The following RGS11 variants were observed in gnomAD, a reference collection of about 807,000 sequenced individuals.
The protein encoded by RGS11 is regulator of G protein signaling 11, also known as regulator of G-protein signaling 11.
A neutral mutation model predicts 71.1 loss-of-function variants in RGS11; 86 were observed. That is an observed-to-expected ratio of 1.21 (90% confidence interval 1.02 to 1.45). The LOEUF (loss-of-function observed/expected upper bound fraction) is 1.45, where lower values mean the gene tolerates loss of function less well. Among genes scored for constraint, RGS11 ranks in the 40% most tolerant of loss-of-function variants. RGS11 has a pLI of 0.00. For missense variants in RGS11, 734 were observed against 635.1 expected, an observed-to-expected ratio of 1.16 and a Z score of -1.67; for synonymous variants, 298 against 254.2, an observed-to-expected ratio of 1.17 and a Z score of -1.64.
Position 275,007 on chromosome 16 carries a change from A to G in RGS11, c.287T>C (p.Leu96Pro). 2 of 1,534,522 alleles carry G rather than the reference A, an allele frequency of 1.3e-6. No individual in the cohort carries two copies. The highest frequency in any genetic ancestry group is 1.8e-6 in the Non-Finnish European group (2 of 1,138,182). The change falls in exon 4 of 17, where the codon CTC (leucine) becomes CCC (proline). Residue 96 changes from leucine to proline, a missense_variant. Coordinates refer to ENST00000397770, the MANE Select transcript of RGS11 (RefSeq NM_183337.3). ...YPLRDPRSLM[L>P]RPDETPYRFQ... is the part of the protein sequence containing the mutation. ...CCTGTAGGGCGTCTCGTCTGGCCGG[A>G]GCATGAGGCTACGGGGGTCGCGCAG...
In RGS11 at chr16:268,788, C is replaced by T. The variant is rs773754897; in HGVS notation, c.*481G>A. ...GGTCCTCTTCCAGGCTCACACTGGG[C>T]GACAGCGGAGAGGCTCTTGGACGGG... On this transcript the variant is annotated 3_prime_UTR_variant, in exon 17 of 17. Coordinates refer to ENST00000397770, the MANE Select transcript of RGS11 (RefSeq NM_183337.3). 2.8e-5 allele frequency: 44 copies of T among 1,549,960 alleles called. No individual in the cohort carries two copies. Among genetic ancestry groups the T allele is most frequent in the African/African-American group, 1.8e-4 (13 of 73,038 alleles).
intron 14 of RGS11, 34 bp downstream of exon 14, chr16:270,710 G>C (rs376818835): frequency 1.2e-6 from 2 of 1,610,128 alleles, no homozygotes; most frequent in South Asian, 1.1e-5. Flanking sequence ...GCACCTGCCC[G>C]TTGGCCAACC....
rs539281168 is a variant in RGS11 at position 273,909 on chromosome 16, G to A, written c.430-73C>T. 817 of 1,507,816 alleles carry A rather than the reference G, an allele frequency of 5.4e-4. 6 individuals are homozygous for A. The highest frequency in any genetic ancestry group is 1.2e-4 in the Non-Finnish European group (127 of 1,084,470). 93.4% of individuals were successfully genotyped at this position (1,507,816 alleles called of 1,614,324 possible). A position where few individuals can be genotyped will look rare whatever the true frequency, so the allele number is the denominator to read the frequency against. On this transcript the variant is annotated intron_variant, in intron 6 of 16. Coordinates refer to ENST00000397770, the MANE Select transcript of RGS11 (RefSeq NM_183337.3). The stretch of plus-strand genomic sequence containing the variant: ...GTGAGACTGTGTGGGCAGTTGGGGG[G>A]TTGGGGACTGTCTTGGGTTTTGGGG...
chr16:275,641 GCGGGGCGGGC>G (rs1451182403), intron 1 of RGS11, 143 bp from the exon 2 acceptor site: 8 of 735,454 alleles, frequency 1.1e-5, no homozygotes, highest in Non-Finnish European at 1.6e-5. Context: ...CGGCGGGGAC[GCGGGGCGGGC>G]CGGGGAGGGC....
At chr16:270,403 G>A in intron 15 of RGS11, 120 bp downstream of exon 15, 3 of 1,231,802 alleles carry the variant, frequency 2.4e-6, no homozygotes, top group Non-Finnish European at 3.3e-6. Flanking sequence ...TGGGGAAGGT[G>A]CTCCCCAGGG....
At chr16:270,488 C>T in intron 15 of RGS11, 35 bp downstream of exon 15, 6 of 1,570,880 alleles carry the variant, frequency 3.8e-6, no homozygotes, top group Non-Finnish European at 4.3e-6. Flanking sequence ...TCTGGGATGA[C>T]CCCTCCTGCC....
At position 268,619 on chromosome 16, in the gene RGS11, C is replaced by T. The variant is rs902872120; in HGVS notation, c.*650G>A. ...GACAATGTCAGAGTTGTCTATAAAT[C>T]GGGGGGGAGGCCGCGGCCTCGAGGT... is the stretch of plus-strand genomic sequence containing the variant. On this transcript the variant is annotated 3_prime_UTR_variant, in exon 17 of 17. Transcript: ENST00000397770. 28 of 681,284 alleles carry T rather than the reference C, an allele frequency of 4.1e-5. No homozygotes were observed. Among genetic ancestry groups the T allele is most frequent in the East Asian group, 2.4e-4 (9 of 36,746 alleles). The allele number at this position is 681,284 out of a possible 1,614,324, so 42.2% of individuals were successfully genotyped here.
intron 1 of RGS11, 166 bp downstream of exon 1, chr16:275,683 C>CG (rs200964940): frequency 1 from 571,060 of 571,108 alleles, 285,507 homozygotes; most frequent in East Asian, 1. Context: ...GGGGAGACCC[C>CG]GGAGACCCCC....
rs766135415 is a variant in RGS11, at chr16:273,516, C to T, written c.547G>A (p.Ala183Thr). The T allele has an allele frequency of 3.9e-6, 6 of 1,557,696 alleles. No homozygotes were observed. In the African/African-American group the frequency reaches 5.4e-5, roughly 14 times the overall value. ...AGCCAGTAGGTCTGCTCCTGGCACG[C>T]AATGACCAGCCTGTCCCCCTTGCTG... Reference protein sequence around the residue: ...QRSKGDRLVIACQEQTYWLVN... With the variant: ...QRSKGDRLVITCQEQTYWLVN... Residue 183 changes from alanine (A) to threonine (T), a missense_variant, in exon 8 of 17, where the codon GCG (alanine) becomes ACG (threonine). Physicochemically the swap from Ala to Thr is moderately conservative, Grantham distance 58 (BLOSUM62 0). Transcript: ENST00000397770.
In RGS11 at chr16:273,559, G is replaced by T. The variant is rs1369061383; in HGVS notation, c.507-3C>A. ...CCTTGCTGCGCTGCTTGGCTGCCCT[G>T]GGAGGAGGAGGCCGAGTTGAGGGCA... is the stretch of plus-strand genomic sequence containing the variant. On this transcript the variant is annotated splice_polypyrimidine_tract_variant and splice_region_variant and intron_variant, in intron 7 of 16. Coordinates refer to ENST00000397770, the MANE Select transcript of RGS11 (RefSeq NM_183337.3). The T allele has an allele frequency of 3.8e-6, 6 of 1,558,908 alleles. No individual in the cohort carries two copies. In the South Asian group the frequency reaches 5.9e-5, roughly 15 times the overall value.
Position 275,890 on chromosome 16 carries a change from G to A in RGS11, c.22C>T (p.Pro8Ser), listed in dbSNP as rs1302778561. MAAGPAPPPGRPRAQMPH... is the reference protein window; with the variant it reads MAAGPAPSPGRPRAQMPH... ...ATCTGCGCCCGGGGGCGGCCGGGGG[G>A]CGGCGCGGGGCCGGCGGCCATGGCT... Residue 8 changes from proline to serine, a missense_variant, in exon 1 of 17, where the codon CCC (proline) becomes TCC (serine). By Grantham distance (74) the Pro-to-Ser change is moderately conservative. Transcript: ENST00000397770. 8 of 915,918 alleles carry A rather than the reference G, an allele frequency of 8.7e-6. No homozygotes were observed. The Admixed American group carries it at 3.4e-4, about 39-fold the overall frequency. The allele number at this position is 915,918 out of a possible 1,614,324, so 56.7% of individuals were successfully genotyped here.
At chr16:274,327 C>G (rs2052072019) in intron 4 of RGS11, 62 bp from the exon 5 acceptor site, 1 of 1,541,868 alleles carries the variant, frequency 6.5e-7, no homozygotes, top group East Asian at 2.4e-5. Context: ...CAGTGTCACC[C>G]CACCCTCAGA....
rs751421579 is a variant in RGS11, at chr16:271,002, G to A, written c.961C>T (p.Leu321=). ...TTCTCACCACTGAACTCCTTTCCCA[G>A]AAAGTCCATGAAGTGGGCCCGCCCC... ...PVGRAHFMDF[L]GKEFSGENLS... is the part of the protein sequence containing the mutation. The change falls in exon 13 of 17, where the codon CTG becomes TTG. Residue 321 remains leucine, a synonymous_variant. Coordinates refer to ENST00000397770, the MANE Select transcript of RGS11 (RefSeq NM_183337.3). The A allele has an allele frequency of 6.2e-7, 1 of 1,612,174 alleles. No individual in the cohort carries two copies. Among genetic ancestry groups the A allele is most frequent in the Non-Finnish European group, 8.5e-7 (1 of 1,179,670 alleles).
In RGS11 at chr16:271,535, C is replaced by G. The variant is rs2051940931; in HGVS notation, c.687+5G>C. On this transcript the variant is annotated splice_donor_5th_base_variant and intron_variant, in intron 10 of 16. Transcript: ENST00000397770. ...GCACCCTCCACTCCCAGCTCCAGAA[C>G]TTACCTCCCGCTTATGGAAATCTGC... 4 of 1,613,900 alleles carry G rather than the reference C, an allele frequency of 2.5e-6. No individual in the cohort carries two copies. The highest frequency in any genetic ancestry group is 3.4e-6 in the Non-Finnish European group (4 of 1,180,034).
At position 269,599 on chromosome 16, in the gene RGS11, C is replaced by A. The variant is rs756250330; in HGVS notation, c.1207-14G>T. On this transcript the variant is annotated splice_polypyrimidine_tract_variant and intron_variant, in intron 15 of 16. Transcript: ENST00000397770. ...TGGGTAGGAGTCCTACAAGAGACAG[C>A]GTCCAGCCCCTGACCCTTCTGCCTC... is the stretch of plus-strand genomic sequence containing the variant. 1.2e-6 allele frequency: 2 copies of A among 1,602,224 alleles called. No individual in the cohort carries two copies. The highest frequency in any genetic ancestry group is 2.2e-5 in the East Asian group (1 of 44,816).
intron 15 of RGS11, chr16:269,869 C>T (rs2051840766): frequency 7.8e-6 from 3 of 382,620 alleles, no homozygotes; most frequent in African/African-American, 2.1e-5. Flanking sequence ...TAGCGGGAAC[C>T]AGGAATGGCT....
At position 271,564 on chromosome 16, in the gene RGS11, C is replaced by G; in HGVS notation, c.663G>C (p.Lys221Asn). 4 of 1,613,996 alleles carry G rather than the reference C, an allele frequency of 2.5e-6. No individual in the cohort carries two copies. The highest frequency in any genetic ancestry group is 3.4e-6 in the Non-Finnish European group (4 of 1,180,020). ...SCAASRVLMT[K>N]SADFHKREIE... ...CCTCCCGCTTATGGAAATCTGCACT[C>G]TTGGTCTAGAAGGGGATAGGTGGGC... The change falls in exon 10 of 17, where the codon AAG becomes AAC. Residue 221 changes from lysine to asparagine, a missense_variant. Physicochemically the swap from Lys to Asn is moderately conservative, Grantham distance 94. Transcript: ENST00000397770.
In RGS11 at chr16:275,034, G is replaced by A. The variant is rs367699875; in HGVS notation, c.260C>T (p.Pro87Leu). 114 of 1,504,972 alleles carry A rather than the reference G, an allele frequency of 7.6e-5. No homozygotes were observed. Among genetic ancestry groups the A allele is most frequent in the Non-Finnish European group, 9.6e-5 (108 of 1,124,022 alleles). 93.2% of individuals were successfully genotyped at this position (1,504,972 alleles called of 1,614,324 possible). The change falls in exon 4 of 17, where the codon CCG becomes CTG. Residue 87 changes from proline to leucine, a missense_variant. Pro to Leu is a moderately conservative substitution (Grantham distance 98). Transcript: ENST00000397770. ...CATGAGGCTACGGGGGTCGCGCAGC[G>A]GGTAGATGTAGCCATGCTGCACCAG... The part of the protein sequence containing the change: ...AVLVQHGYIY[P>L]LRDPRSLMLR...
At chr16:273,363 A>C in intron 8 of RGS11, 112 bp downstream of exon 8, 1 of 806,588 alleles carries the variant, frequency 1.2e-6, no homozygotes, top group Non-Finnish European at 1.9e-6. Context: ...CAGGAGCTCC[A>C]AGGCAGGTCC....
Sources: gnomAD v4.1 joint callset for allele counts on GRCh38, gnomAD v4.1.1 for gene constraint, MANE v1.5 for transcripts, NCBI Gene and HGNC (gene_info 2026-07-23, HGNC 2026-07-21) for gene names.